The following CLNK variants were observed in gnomAD, a reference collection of about 807,000 sequenced individuals.
The protein encoded by CLNK is cytokine dependent hematopoietic cell linker, also known as cytokine-dependent hematopoietic cell linker.
In CLNK, 74 loss-of-function variants were observed where a neutral mutation model predicts 68.6. The ratio of observed to expected loss-of-function variants is 1.08; its 90% CI spans 0.89 to 1.31. CLNK has a LOEUF of 1.31. Among genes scored for constraint, CLNK ranks in the 50% most tolerant of loss-of-function variants. The pLI is 0.00. For synonymous variants in CLNK, 198 were observed against 172.2 expected (o/e 1.15, Z -1.17); for missense variants, 553 against 515.3 (o/e 1.07, Z -0.71).
At chr4:10,579,000 A>G (rs1311744823) in intron 4 of CLNK, among the ~76,000 whole-genome samples, 2 of 152,208 alleles carry the variant, frequency 1.3e-5, no homozygotes, top group Non-Finnish European at 2.9e-5. Context: ...TTCCTCATCC[A>G]CAGGTCCTAA....
the CLNK span, among the ~76,000 whole-genome samples, chr4:10,711,222 C>A: frequency 1.3e-5 from 2 of 152,154 alleles, no homozygotes; most frequent in Non-Finnish European, 2.9e-5. Context: ...ACTCATTGCA[C>A]TAAGTCATGG....
intron 7 of CLNK, among the ~76,000 whole-genome samples, chr4:10,561,518 A>G (rs1477956408): frequency 1.3e-5 from 2 of 152,224 alleles, no homozygotes; most frequent in African/African-American, 4.8e-5. Flanking sequence ...AGGCTTACCT[A>G]TGTGAAAAGG....
intron 2 of CLNK, among the ~76,000 whole-genome samples, chr4:10,606,924 A>C (rs1721814763): frequency 6.6e-6 from 1 of 152,204 alleles, no homozygotes; most frequent in South Asian, 2.1e-4. Context: ...GGTAGTAAGC[A>C]TCTAGGTTGT....
At chr4:10,662,382 G>A (rs1724229923) in intron 2 of CLNK, among the ~76,000 whole-genome samples, 1 of 152,168 alleles carries the variant, frequency 6.6e-6, no homozygotes, top group African/African-American at 2.4e-5. Context: ...GTAACACAGT[G>A]CATGTGCTGT....
At position 10,585,556 on chromosome 4, in the gene CLNK, TCAGCCTC is replaced by T. The variant is rs1258188253; in HGVS notation, c.84-608_84-602del. Among the ~76,000 whole-genome samples the T allele has an allele frequency of 2.6e-5, 4 of 152,366 alleles. No homozygotes were observed. In the East Asian group the frequency reaches 7.7e-4, roughly 29 times the overall value. ...TTCACCACGTGGCTGCACCGGAGTCTCAGCCTCCTCTGGCTGGGAAGGCCACCTGATT... is the reference window on the plus strand; with the variant it reads ...TTCACCACGTGGCTGCACCGGAGTCTCTCTGGCTGGGAAGGCCACCTGATT... On this transcript the variant is annotated intron_variant, in intron 3 of 18. Coordinates refer to ENST00000226951, the MANE Select transcript of CLNK (RefSeq NM_052964.4).
At chr4:10,502,655 A>T (rs1717103914) in intron 17 of CLNK, among the ~76,000 whole-genome samples, 1 of 151,884 alleles carries the variant, frequency 6.6e-6, no homozygotes, top group African/African-American at 2.4e-5. Context: ...TTACCTAATA[A>T]ATTGGACTTC....
At chr4:10,552,004 C>T (rs1056604553) in intron 8 of CLNK, among the ~76,000 whole-genome samples, 2 of 151,912 alleles carry the variant, frequency 1.3e-5, no homozygotes, top group African/African-American at 2.4e-5. Flanking sequence ...CGCGTCAGAA[C>T]GCTGGGCTAA....
chr4:10,699,359 C>CACAG, the CLNK span, among the ~76,000 whole-genome samples: 1 of 38,902 alleles, frequency 2.6e-5, no homozygotes, highest in Non-Finnish European at 5.2e-5. Context: ...CACACACACA[C>CACAG]AGTCATCCTT....
chr4:10,691,217 A>G, the CLNK span, among the ~76,000 whole-genome samples: 2 of 152,188 alleles, frequency 1.3e-5, no homozygotes, highest in Admixed American at 1.3e-4. Flanking sequence ...GTATTGGGGT[A>G]TACATAATAT....
intron 8 of CLNK, among the ~76,000 whole-genome samples, chr4:10,550,042 A>G (rs1362935459): frequency 6.6e-6 from 1 of 152,234 alleles, no homozygotes; most frequent in Non-Finnish European, 1.5e-5. Context: ...GACATTGTCA[A>G]TATCACCGTG....
At chr4:10,553,057 G>C (rs1719524680) in intron 8 of CLNK, among the ~76,000 whole-genome samples, 1 of 151,980 alleles carries the variant, frequency 6.6e-6, no homozygotes, top group Non-Finnish European at 1.5e-5. Context: ...GAGGAGGGGG[G>C]GGCATGCAGG....
At chr4:10,521,010 T>A (rs1718037741) in intron 14 of CLNK, among the ~76,000 whole-genome samples, 179 bp from the exon 15 acceptor site, 1 of 152,208 alleles carries the variant, frequency 6.6e-6, no homozygotes, top group Non-Finnish European at 1.5e-5. Flanking sequence ...CATGTTATCC[T>A]CCTTTCTCAA....
At chr4:10,505,105 T>C (rs1455817998) in intron 17 of CLNK, among the ~76,000 whole-genome samples, 1 of 152,160 alleles carries the variant, frequency 6.6e-6, no homozygotes, top group Non-Finnish European at 1.5e-5. Flanking sequence ...GTGAGTGCAA[T>C]GGTGTACTGG....
At chr4:10,499,609 A>G (rs1279370250) in intron 18 of CLNK, among the ~76,000 whole-genome samples, 2 of 152,320 alleles carry the variant, frequency 1.3e-5, no homozygotes, top group South Asian at 2.1e-4. Flanking sequence ...TTGAAGAACA[A>G]TCGGTATCTG....
chr4:10,635,737 C>G (rs1399018271), intron 2 of CLNK: 2 of 152,274 alleles, frequency 1.3e-5, no homozygotes, highest in South Asian at 4.1e-4. Flanking sequence ...ATTATTCCAT[C>G]TCAAAGATGA....
At chr4:10,628,711 A>C (rs1038683843) in intron 2 of CLNK, among the ~76,000 whole-genome samples, 1 of 152,136 alleles carries the variant, frequency 6.6e-6, no homozygotes, top group Non-Finnish European at 1.5e-5. Context: ...CCAAAATATG[A>C]TGCTTTGTAC....
At chr4:10,507,033 C>T (rs1717327669) in intron 17 of CLNK, among the ~76,000 whole-genome samples, 1 of 152,038 alleles carries the variant, frequency 6.6e-6, no homozygotes, top group Admixed American at 6.5e-5. Flanking sequence ...TCTCGATCTC[C>T]TGACCTCGTG....
At chr4:10,631,431 A>T (rs187052576) in intron 2 of CLNK, among the ~76,000 whole-genome samples, 234 of 152,360 alleles carry the variant, frequency 1.5e-3, no homozygotes, top group Non-Finnish European at 2.7e-3. Flanking sequence ...CCAAGAAAGA[A>T]AGAAATGAAA....
chr4:10,732,812 G>T, the CLNK span, among the ~76,000 whole-genome samples: 1 of 151,650 alleles, frequency 6.6e-6, no homozygotes, highest in Non-Finnish European at 1.5e-5. Flanking sequence ...CCCTCCTCAT[G>T]GGTTCCTATT....
Sources: allele counts gnomAD v4.1 joint callset (sites outside exome capture counted in the v4.1 genomes callset), GRCh38; gene constraint gnomAD v4.1.1; transcripts MANE v1.5; gene names NCBI Gene and HGNC (gene_info 2026-07-23, HGNC 2026-07-21).